SH3PXD2A: variants seen among roughly 807,000 people sequenced by gnomAD.
SH3PXD2A encodes the protein SH3 and PX domain-containing protein 2A.
SH3PXD2A carries 32 observed loss-of-function variants against 115.2 expected under a neutral mutation model. The ratio of observed to expected loss-of-function variants is 0.28; its 90% CI spans 0.21 to 0.37. The LOEUF (loss-of-function observed/expected upper bound fraction) is 0.37, where lower values mean the gene tolerates loss of function less well. SH3PXD2A is among the 10% of genes least tolerant of loss of function. The probability of loss-of-function intolerance (pLI) is 1.00; values close to 1 mark genes in which losing one functional copy is unlikely to be tolerated. For missense variants in SH3PXD2A, 1,328 were observed against 1,498.7 expected (o/e 0.89, Z 1.88); for synonymous variants, 610 against 629.1 (o/e 0.97, Z 0.45).
chr10:103,702,937 T>C (rs927041471), intron 5 of SH3PXD2A, among the ~76,000 whole-genome samples: 1 of 152,176 alleles, frequency 6.6e-6, no homozygotes, highest in Non-Finnish European at 1.5e-5. Flanking sequence ...CTGTGTCACG[T>C]GTGTGTATGG....
chr10:103,784,263 C>T lies in SH3PXD2A; in HGVS notation c.153+17019G>A, dbSNP rs2038960094. Among the ~76,000 whole-genome samples the T allele has an allele frequency of 6.6e-6, 1 of 152,222 alleles. No homozygotes were observed. Among genetic ancestry groups the T allele is most frequent in the African/African-American group, 2.4e-5 (1 of 41,452 alleles). Reference sequence around the variant, plus strand: ...TTCAGACCCCAAGAGGTCACAGAAGCAGGGGTCGCCCAAGCCTCTGTGCAT... The same window carrying T: ...TTCAGACCCCAAGAGGTCACAGAAGTAGGGGTCGCCCAAGCCTCTGTGCAT... On this transcript the variant is annotated intron_variant, in intron 2 of 14. Transcript: ENST00000369774. The surrounding 1 kb of genome is among the most constrained non-coding windows in gnomAD (Gnocchi z 4.4).
At position 103,597,904 on chromosome 10, in the gene SH3PXD2A, T is replaced by C. The variant is rs1490561637; in HGVS notation, c.*3912A>G. ...GGGTTATTTTATCTTTTTCCCCTTA[T>C]TAAAAACAAGAACTACCAAACCAAG... On this transcript the variant is annotated 3_prime_UTR_variant, in exon 15 of 15. Transcript: ENST00000369774. 1 of 152,460 alleles carries C rather than the reference T, an allele frequency of 6.6e-6. No individual in the cohort carries two copies. Among genetic ancestry groups the C allele is most frequent in the Admixed American group, 6.5e-5 (1 of 15,282 alleles). 9.4% of individuals were successfully genotyped at this position (152,460 alleles called of 1,614,324 possible).
At chr10:103,786,530 A>G (rs2038982667) in intron 2 of SH3PXD2A, among the ~76,000 whole-genome samples, 2 of 152,140 alleles carry the variant, frequency 1.3e-5, no homozygotes, top group South Asian at 4.2e-4. Context: ...AGTCCAGCAC[A>G]GTGGTGCACA....
intron 6 of SH3PXD2A, among the ~76,000 whole-genome samples, chr10:103,669,035 G>T (rs1054101223): frequency 5.9e-5 from 9 of 152,212 alleles, no homozygotes; most frequent in Admixed American, 5.9e-4. Flanking sequence ...GGGGCCTGAT[G>T]GTTGCAAGGA....
At chr10:103,689,757 G>C (rs1176404503) in intron 6 of SH3PXD2A, among the ~76,000 whole-genome samples, 1 of 152,184 alleles carries the variant, frequency 6.6e-6, no homozygotes, top group Non-Finnish European at 1.5e-5. Context: ...GAAGATGCTG[G>C]AAGGAGCAGG....
At chr10:103,716,435 T>G (rs1430429420) in intron 5 of SH3PXD2A, among the ~76,000 whole-genome samples, 4 of 152,138 alleles carry the variant, frequency 2.6e-5, no homozygotes, top group Admixed American at 6.5e-5. Context: ...CAACAGAGGG[T>G]GGCTCTGTGG....
At chr10:103,737,001 T>C (rs1298098174) in intron 3 of SH3PXD2A, 1 of 152,678 alleles carries the variant, frequency 6.5e-6, no homozygotes, top group African/African-American at 2.4e-5. Flanking sequence ...GAGACTGCTT[T>C]TTCCCACGGT....
chr10:103,845,319 A>C (rs1481635662), intron 1 of SH3PXD2A, among the ~76,000 whole-genome samples: 1 of 130,436 alleles, frequency 7.7e-6, no homozygotes, highest in African/African-American at 2.9e-5. Context: ...CGACAGAGCG[A>C]GACTTCATCT....
chr10:103,778,450 A>C (rs2038901557), intron 2 of SH3PXD2A, among the ~76,000 whole-genome samples: 1 of 152,262 alleles, frequency 6.6e-6, no homozygotes, highest in South Asian at 2.1e-4. Context: ...TTAGTGTTCT[A>C]GTCAGTAGTG....
intron 3 of SH3PXD2A, among the ~76,000 whole-genome samples, chr10:103,766,265 C>T (rs952934839): frequency 5.3e-5 from 8 of 152,166 alleles, no homozygotes; most frequent in African/African-American, 9.7e-5. Flanking sequence ...AGGTCCAGGG[C>T]CAGTCTGAGC....
At chr10:103,765,720 G>C (rs1282191851) in intron 3 of SH3PXD2A, among the ~76,000 whole-genome samples, 1 of 152,238 alleles carries the variant, frequency 6.6e-6, no homozygotes, top group Non-Finnish European at 1.5e-5. Flanking sequence ...CAGCATCCCA[G>C]ATGGGCTACC....
intron 2 of SH3PXD2A, among the ~76,000 whole-genome samples, chr10:103,786,308 A>T (rs1589454099): frequency 6.6e-6 from 1 of 152,080 alleles, no homozygotes; most frequent in Admixed American, 6.5e-5. Context: ...TGGCTCCTCC[A>T]CCTACCTGTG....
chr10:103,848,195 TC>T (rs1842865975), intron 1 of SH3PXD2A, among the ~76,000 whole-genome samples: 1 of 68,364 alleles, frequency 1.5e-5, no homozygotes, highest in African/African-American at 3.8e-5. Flanking sequence ...ACACCTCACT[TC>T]CTGCTGCTCC....
At chr10:103,687,877 C>A (rs1408582146) in intron 6 of SH3PXD2A, among the ~76,000 whole-genome samples, 1 of 152,344 alleles carries the variant, frequency 6.6e-6, no homozygotes, top group East Asian at 1.9e-4. Context: ...CTCCCTACTG[C>A]ATCATGAGCA....
At chr10:103,679,311 T>C (rs1327643736) in intron 6 of SH3PXD2A, among the ~76,000 whole-genome samples, 2 of 152,138 alleles carry the variant, frequency 1.3e-5, no homozygotes, top group Non-Finnish European at 2.9e-5. Flanking sequence ...CTGTCAGATG[T>C]GCAGTAGACA....
Position 103,724,342 on chromosome 10 carries a change from G to T in SH3PXD2A, c.326C>A (p.Pro109His), listed in dbSNP as rs764693058. 5.1e-6 allele frequency: 8 copies of T among 1,581,204 alleles called. No individual in the cohort carries two copies. In the African/African-American group the frequency reaches 5.5e-5, roughly 11 times the overall value. Reference sequence around the variant, plus strand: ...GACTTCGTCACACTGTGAGATGTGGGGGGGCAGCCGGACAAGTGCCTGTGG... The same window carrying T: ...GACTTCGTCACACTGTGAGATGTGGTGGGGCAGCCGGACAAGTGCCTGTGG... ...EYCRALVRLP[P>H]HISQCDEVFR... is the part of the protein sequence containing the mutation. The change falls in exon 5 of 15, where the codon CCC (proline) becomes CAC (histidine). Residue 109 changes from proline to histidine, a missense_variant. By Grantham distance (77) the Pro-to-His change is moderately conservative. This residue lies in a region of SH3PXD2A where 110 missense variants were observed against 160.0 expected (regional missense o/e 0.69). Transcript: ENST00000369774.
At chr10:103,718,559 A>G (rs1450204498) in intron 5 of SH3PXD2A, among the ~76,000 whole-genome samples, 4 of 152,262 alleles carry the variant, frequency 2.6e-5, no homozygotes, top group Non-Finnish European at 5.9e-5. Flanking sequence ...ACTTGGCTGC[A>G]TGGCCTGGGG....
At chr10:103,606,315 T>C (rs1420998838) in intron 13 of SH3PXD2A, among the ~76,000 whole-genome samples, 1 of 147,834 alleles carries the variant, frequency 6.8e-6, no homozygotes, top group African/African-American at 2.5e-5. Context: ...GCTCAAGTGA[T>C]CCTCCCACTT....
chr10:103,711,803 C>T (rs145210848), intron 5 of SH3PXD2A, among the ~76,000 whole-genome samples: 1,678 of 152,326 alleles, frequency 0.011, 19 homozygotes, highest in Middle Eastern at 0.048. Flanking sequence ...ACCTCTAATC[C>T]TGGCACGTTG....
Sources: gnomAD v4.1 joint callset for allele counts (sites outside exome capture counted in the v4.1 genomes callset) on GRCh38, gnomAD v4.1.1 for gene constraint, gnomAD v4.1.1 regional missense constraint, Gnocchi (gnomAD v3.1) non-coding constraint, MANE v1.5 for transcripts, NCBI Gene and HGNC (gene_info 2026-07-23, HGNC 2026-07-21) for gene names.